Variants in ALX3 observed in about 807,000 individuals in gnomAD.
ALX3 encodes the protein ALX homeobox 3, also known as homeobox protein aristaless-like 3.
Under a neutral mutation model 26.3 loss-of-function variants are expected in ALX3, and 17 were observed. The observed-to-expected ratio is 0.65, with a 90% CI of 0.44 to 0.97. The LOEUF (loss-of-function observed/expected upper bound fraction) is 0.97, where lower values mean the gene tolerates loss of function less well. Ranked by LOEUF, ALX3 falls within the 50% of genes least tolerant of loss-of-function variation. ALX3 has a pLI of 0.00. For missense variants in ALX3, 461 were observed against 466.5 expected (o/e 0.99, Z 0.11); for synonymous variants, 208 against 201.4 (o/e 1.03, Z -0.28).
At position 110,060,726 on chromosome 1, in the gene ALX3, C is replaced by G; in HGVS notation, c.*7G>C. On this transcript the variant is annotated 3_prime_UTR_variant, in exon 4 of 4. Transcript: ENST00000647563. ...GGGCAGCTCATTCTGCAGGTCCATG[C>G]AACCGATCACGTGGTCCAGTTCAGA... The G allele has an allele frequency of 6.9e-7, 1 of 1,442,120 alleles. No individual in the cohort carries two copies. Among genetic ancestry groups the G allele is most frequent in the Non-Finnish European group, 9.2e-7 (1 of 1,089,990 alleles). 89.3% of individuals were successfully genotyped at this position (1,442,120 alleles called of 1,614,324 possible).
In ALX3 at chr1:110,064,734, G is replaced by A; in HGVS notation, c.447C>T (p.Asn149=). The change falls in exon 2 of 4, where the codon AAC becomes AAT. Residue 149 remains asparagine (N), a synonymous_variant. Coordinates refer to ENST00000647563, the MANE Select transcript of ALX3 (RefSeq NM_006492.3). ...GLPDSMELAK[N]KSKKRRNRTT... ...TGCGGTTACGACGCTTCTTGCTCTT[G>A]TTCTTGGCCAACTCCATGGAGTCAG... 1 of 1,614,238 alleles carries A rather than the reference G, an allele frequency of 6.2e-7. No homozygotes were observed. Among genetic ancestry groups the A allele is most frequent in the Non-Finnish European group, 8.5e-7 (1 of 1,180,040 alleles).
intron 2 of ALX3, chr1:110,062,336 T>G (rs2101795361): frequency 1.3e-5 from 2 of 152,476 alleles, no homozygotes; most frequent in South Asian, 4.1e-4. Flanking sequence ...TTCTCCCATT[T>G]ATTTGTGAGC....
chr1:110,064,370 T>C (rs1002108661), intron 2 of ALX3, among the ~76,000 whole-genome samples: 1 of 152,182 alleles, frequency 6.6e-6, no homozygotes, highest in African/African-American at 2.4e-5. Context: ...CCATCGCCCT[T>C]ATACCCAGGC....
At chr1:110,068,905 C>T (rs61409569) in intron 1 of ALX3, among the ~76,000 whole-genome samples, 4,854 of 152,332 alleles carry the variant, frequency 0.032, 210 homozygotes, top group African/African-American at 0.098. Context: ...GCCGCTCGTT[C>T]CGCACCAGCG....
chr1:110,062,712 C>G (rs1454782152), intron 2 of ALX3, among the ~76,000 whole-genome samples: 6 of 150,568 alleles, frequency 4.0e-5, no homozygotes, highest in African/African-American at 1.5e-4. Flanking sequence ...CACATGCAGG[C>G]AGGTAAGGCA....
At chr1:110,061,180 C>T in intron 3 of ALX3, 139 bp from the exon 4 acceptor site, 1 of 1,086,238 alleles carries the variant, frequency 9.2e-7, no homozygotes. Context: ...CCCCCTCTCA[C>T]CCCCAACACT....
At chr1:110,067,602 C>T (rs1224824947) in intron 1 of ALX3, among the ~76,000 whole-genome samples, 1 of 152,230 alleles carries the variant, frequency 6.6e-6, no homozygotes, top group African/African-American at 2.4e-5. Flanking sequence ...CCGCAGCAGG[C>T]CCGAGTGCTC....
intron 2 of ALX3, among the ~76,000 whole-genome samples, chr1:110,063,467 C>G (rs1054720230): frequency 6.6e-6 from 1 of 152,138 alleles, no homozygotes; most frequent in Non-Finnish European, 1.5e-5. Context: ...AGCCGTAGGG[C>G]CTTCTCTGTT....
At position 110,061,571 on chromosome 1, in the gene ALX3, C is replaced by T; in HGVS notation, c.595-8G>A. On this transcript the variant is annotated splice_region_variant and splice_polypyrimidine_tract_variant and intron_variant, in intron 2 of 3. Coordinates refer to ENST00000647563, the MANE Select transcript of ALX3 (RefSeq NM_006492.3). ...GCGGTTCTGGAACCAGACCTGGGGGCAGGTTGTGGGGGTTTGAGGGGGTGA... is the reference window on the plus strand; with the variant it reads ...GCGGTTCTGGAACCAGACCTGGGGGTAGGTTGTGGGGGTTTGAGGGGGTGA... The T allele has an allele frequency of 6.2e-7, 1 of 1,614,012 alleles. No homozygotes were observed. The highest frequency in any genetic ancestry group is 1.1e-5 in the South Asian group (1 of 91,078).
intron 1 of ALX3, among the ~76,000 whole-genome samples, chr1:110,069,593 G>A (rs902357557): frequency 6.6e-6 from 1 of 152,256 alleles, no homozygotes; most frequent in Non-Finnish European, 1.5e-5. Flanking sequence ...GCCCAGGGCT[G>A]CTCCTGACTG....
In ALX3 at chr1:110,060,036, C is replaced by T. The variant is rs762569420; in HGVS notation, c.*697G>A. ...TTTTATTCTTACCAACATCCAATAT[C>T]ATTTCCATGGCATAGCTCTGGGCTG... On this transcript the variant is annotated 3_prime_UTR_variant, in exon 4 of 4. Coordinates refer to ENST00000647563, the MANE Select transcript of ALX3 (RefSeq NM_006492.3). The T allele has an allele frequency of 6.6e-6, 1 of 151,870 alleles. No homozygotes were observed. Among genetic ancestry groups the T allele is most frequent in the East Asian group, 1.9e-4 (1 of 5,168 alleles). The allele number at this position is 151,870 out of a possible 1,614,324, so 9.4% of individuals were successfully genotyped here.
In ALX3 at chr1:110,064,813, C is replaced by G; in HGVS notation, c.368G>C (p.Gly123Ala). The change falls in exon 2 of 4, where the codon GGC (glycine) becomes GCC (alanine). Residue 123 changes from glycine to alanine, a missense_variant. Gly to Ala is a moderately conservative substitution (Grantham distance 60). Coordinates refer to ENST00000647563, the MANE Select transcript of ALX3 (RefSeq NM_006492.3). ...GCTGGCCAGGCAGGGGCCTGGGGAG[C>G]CTTGCAAGTTAGAGGGCCCGTCTCT... ...GPRDGPSNLQ[G>A]SPGPCLASLH... 1 of 1,613,856 alleles carries G rather than the reference C, an allele frequency of 6.2e-7. No homozygotes were observed. The highest frequency in any genetic ancestry group is 8.5e-7 in the Non-Finnish European group (1 of 1,179,990).
intron 1 of ALX3, among the ~76,000 whole-genome samples, chr1:110,066,783 C>T (rs369790852): frequency 6.6e-6 from 1 of 152,270 alleles, no homozygotes; most frequent in East Asian, 1.9e-4. Context: ...CTCCAAAGCC[C>T]TGGGGCTTGC....
intron 2 of ALX3, chr1:110,062,645 G>GTGTGTGTGCGCGCGCGCGCGCGCGC (rs57279963): frequency 7.6e-6 from 1 of 132,300 alleles, no homozygotes; most frequent in African/African-American, 2.8e-5. Context: ...GTGTGTGTGT[G>GTGTGTGTGCGCGCGCGCGCGCGCGC]GAGTAATCCG....
intron 1 of ALX3, among the ~76,000 whole-genome samples, chr1:110,069,586 C>T (rs1653870602): frequency 6.6e-6 from 1 of 152,256 alleles, no homozygotes. Flanking sequence ...TTAGGCTGCC[C>T]AGGGCTGCTC....
At chr1:110,062,906 T>C (rs1420172911) in intron 2 of ALX3, among the ~76,000 whole-genome samples, 4 of 152,180 alleles carry the variant, frequency 2.6e-5, no homozygotes, top group Non-Finnish European at 4.4e-5. Flanking sequence ...AATCTGGCTA[T>C]TGGAACTCAC....
chr1:110,070,549 C>T lies in ALX3; in HGVS notation c.64G>A (p.Gly22Arg), dbSNP rs1331393213. Residue 22 changes from glycine to arginine, a missense_variant, in exon 1 of 4, where the codon GGG becomes AGG. Transcript: ENST00000647563. ...CCCTGCGGGCCCGGAGGCTCGTCCC[C>T]CGAGGCCACATAGGGGCCGGGTGCA... ...GPAPGPYVAS[G>R]DEPPGPQGTP... 7.7e-7 allele frequency: 1 copy of T among 1,306,864 alleles called. No individual in the cohort carries two copies. The highest frequency in any genetic ancestry group is 9.7e-7 in the Non-Finnish European group (1 of 1,025,654). The allele number at this position is 1,306,864 out of a possible 1,614,324, so 81.0% of individuals were successfully genotyped here. A position where few individuals can be genotyped will look rare whatever the true frequency, so the allele number is the denominator to read the frequency against.
chr1:110,070,620 C>T lies in ALX3; in HGVS notation c.-8G>A. The T allele has an allele frequency of 3.3e-6, 4 of 1,223,400 alleles. No homozygotes were observed. The highest frequency in any genetic ancestry group is 4.1e-6 in the Non-Finnish European group (4 of 982,484). 75.8% of individuals were successfully genotyped at this position (1,223,400 alleles called of 1,614,324 possible). A position where few individuals can be genotyped will look rare whatever the true frequency, so the allele number is the denominator to read the frequency against. On this transcript the variant is annotated 5_prime_UTR_variant, in exon 1 of 4. Coordinates refer to ENST00000647563, the MANE Select transcript of ALX3 (RefSeq NM_006492.3). The stretch of plus-strand genomic sequence containing the variant: ...GCAGTGCTCGGGGTCCATGCCGGCT[C>T]AGGGCGCACAGGCCTCCGGGGCTCC...
Position 110,070,640 on chromosome 1 carries a change from G to C in ALX3, c.-28C>G, listed in dbSNP as rs1653899821. 8.3e-7 allele frequency: 1 copy of C among 1,205,792 alleles called. No homozygotes were observed. Among genetic ancestry groups the C allele is most frequent in the Admixed American group, 4.4e-5 (1 of 22,640 alleles). The allele number at this position is 1,205,792 out of a possible 1,614,324, so 74.7% of individuals were successfully genotyped here. A position where few individuals can be genotyped will look rare whatever the true frequency, so the allele number is the denominator to read the frequency against. The stretch of plus-strand genomic sequence containing the variant: ...CGGCTCAGGGCGCACAGGCCTCCGG[G>C]GCTCCGGGGCTCGCGCTGCCCGCGC... On this transcript the variant is annotated 5_prime_UTR_variant, in exon 1 of 4. Transcript: ENST00000647563.
Sources: allele counts gnomAD v4.1 joint callset (sites outside exome capture counted in the v4.1 genomes callset), GRCh38; gene constraint gnomAD v4.1.1; transcripts MANE v1.5; gene names NCBI Gene and HGNC (gene_info 2026-07-23, HGNC 2026-07-21).